DMD: variants seen among roughly 807,000 people sequenced by gnomAD.
DMD encodes dystrophin, also known as mutant dystrophin.
DMD carries 63 observed loss-of-function variants against 330.1 expected under a neutral mutation model. That is an observed-to-expected ratio of 0.19 (90% confidence interval 0.16 to 0.24). DMD has a LOEUF of 0.24. DMD is among the 10% of genes least tolerant of loss of function. DMD has a pLI of 1.00. For synonymous variants in DMD, 1,223 were observed against 959.8 expected (o/e 1.27, Z -5.07); for missense variants, 3,344 against 2,684.1 (o/e 1.25, Z -5.43).
intron 43 of DMD, among the ~76,000 whole-genome samples, chrX:32,258,626 A>G (rs1023596883): frequency 4.2e-4 from 46 of 109,495 alleles, no homozygotes; most frequent in African/African-American, 1.4e-3. Flanking sequence ...GAACACATAG[A>G]CACAGGGCGG....
chrX:31,430,812 T>C (rs1387386573), intron 60 of DMD, among the ~76,000 whole-genome samples: 1 of 91,084 alleles, frequency 1.1e-5, no homozygotes, highest in Non-Finnish European at 2.2e-5. Flanking sequence ...TTTTTTTTTT[T>C]TTTTTTTTTG....
chrX:31,641,501 C>CAAAAAAAA (rs1048854739), intron 54 of DMD, among the ~76,000 whole-genome samples: 1 of 33,612 alleles, frequency 3.0e-5, no homozygotes. Context: ...GACTCCGTCT[C>CAAAAAAAA]AAAAAAAAAA....
At chrX:32,429,267 T>C (rs760788711) in intron 29 of DMD, among the ~76,000 whole-genome samples, 70 of 96,910 alleles carry the variant, frequency 7.2e-4, no homozygotes, top group African/African-American at 2.5e-3. Flanking sequence ...TGGAGTGAAA[T>C]GGCATGATCT....
chrX:32,854,571 CAAAAAAA>C (rs1201969423), intron 2 of DMD, among the ~76,000 whole-genome samples: 2 of 61,626 alleles, frequency 3.2e-5, no homozygotes, highest in Non-Finnish European at 6.1e-5. Flanking sequence ...GCACTTGTAT[CAAAAAAA>C]AAAAAAAAAG....
chrX:31,693,178 T>A (rs2083233277), intron 52 of DMD, among the ~76,000 whole-genome samples: 1 of 112,153 alleles, frequency 8.9e-6, no homozygotes, highest in Non-Finnish European at 1.9e-5. Flanking sequence ...AAAAACCGTA[T>A]GATCATTTTA....
At chrX:31,661,121 T>A (rs745306298) in intron 53 of DMD, among the ~76,000 whole-genome samples, 1 of 112,114 alleles carries the variant, frequency 8.9e-6, no homozygotes, top group African/African-American at 3.2e-5. Context: ...AACTTTTTGA[T>A]GTACTTTAAT....
chrX:33,120,779 G>T (rs186709794), intron 1 of DMD, among the ~76,000 whole-genome samples: 6 of 106,612 alleles, frequency 5.6e-5, no homozygotes, highest in Non-Finnish European at 7.7e-5. Flanking sequence ...TACTCGGGAG[G>T]CTGAGGCAGG....
intron 1 of DMD, among the ~76,000 whole-genome samples, chrX:33,254,202 T>C (rs1473937062): frequency 2.0e-5 from 2 of 99,227 alleles, no homozygotes; most frequent in Non-Finnish European, 3.8e-5. Context: ...TTTGCTTTAT[T>C]TCACATCACA....
intron 2 of DMD, among the ~76,000 whole-genome samples, chrX:32,994,056 T>TG (rs1247874259): frequency 6.3e-4 from 68 of 107,440 alleles, no homozygotes; most frequent in African/African-American, 2.3e-3. Context: ...AAAGTTGGGG[T>TG]GGGGGGGAAT....
At position 32,983,045 on chromosome X, in the gene DMD, C is replaced by G. The variant is rs760463059; in HGVS notation, c.93+37094G>C. The stretch of plus-strand genomic sequence containing the variant: ...CTCACCTGTCTCTTCCTACATGCAG[C>G]AAACCATAAAGATTCCTCTGGGAGG... On this transcript the variant is annotated intron_variant, in intron 2 of 78. Coordinates refer to ENST00000357033, the MANE Select transcript of DMD (RefSeq NM_004006.3). Among the ~76,000 whole-genome samples the G allele has an allele frequency of 8.0e-5, 9 of 112,056 alleles. No homozygotes were observed. The East Asian group carries it at 2.5e-3, about 32-fold the overall frequency.
At chrX:32,278,887 G>T (rs2097401538) in intron 43 of DMD, among the ~76,000 whole-genome samples, 1 of 111,980 alleles carries the variant, frequency 8.9e-6, no homozygotes, top group Admixed American at 9.5e-5. Context: ...CCAACAGAAA[G>T]GGAGAAAATA....
At chrX:31,774,738 G>A (rs1286381061) in intron 50 of DMD, among the ~76,000 whole-genome samples, 1 of 111,684 alleles carries the variant, frequency 9.0e-6, no homozygotes, top group African/African-American at 3.3e-5. Context: ...TTTATACTGG[G>A]AGCAGTTTAT....
intron 2 of DMD, among the ~76,000 whole-genome samples, chrX:32,962,035 T>C (rs965349448): frequency 1.8e-5 from 2 of 111,875 alleles, no homozygotes; most frequent in Non-Finnish European, 3.8e-5. Flanking sequence ...TATTATACTT[T>C]TCTAGCTGGG....
chrX:32,079,173 C>T (rs2096373879), intron 44 of DMD, among the ~76,000 whole-genome samples: 1 of 112,050 alleles, frequency 8.9e-6, no homozygotes, highest in Non-Finnish European at 1.9e-5. Context: ...TCTTTTGTCA[C>T]TCTAACTTTG....
At chrX:31,453,000 G>C (rs571993708) in intron 59 of DMD, among the ~76,000 whole-genome samples, 46 of 111,937 alleles carry the variant, frequency 4.1e-4, no homozygotes, top group African/African-American at 1.2e-3. Context: ...TCAATAGCAA[G>C]AAAACAAATC....
At chrX:32,867,376 A>G (rs921774808) in intron 2 of DMD, among the ~76,000 whole-genome samples, 1 of 112,236 alleles carries the variant, frequency 8.9e-6, no homozygotes, top group Non-Finnish European at 1.9e-5. Context: ...TTCTAGAAAA[A>G]TGCATTTTAA....
chrX:31,749,100 T>C (rs750261814), intron 51 of DMD, among the ~76,000 whole-genome samples: 139 of 109,485 alleles, frequency 1.3e-3, no homozygotes, highest in African/African-American at 4.5e-3. Context: ...AGGATCAGGA[T>C]AGCATTTGTT....
intron 62 of DMD, among the ~76,000 whole-genome samples, chrX:31,316,996 C>T (rs772140613): frequency 9.8e-5 from 11 of 112,091 alleles, no homozygotes; most frequent in African/African-American, 3.2e-4. Flanking sequence ...CTTTCTATCC[C>T]GATAAGATTG....
intron 44 of DMD, among the ~76,000 whole-genome samples, chrX:32,135,022 T>C (rs1320610189): frequency 8.9e-6 from 1 of 112,044 alleles, no homozygotes; most frequent in East Asian, 2.8e-4. Flanking sequence ...AATGGGAATA[T>C]ACTCTACCAA....
Sources: gnomAD v4.1 joint callset for allele counts (sites outside exome capture counted in the v4.1 genomes callset) on GRCh38, gnomAD v4.1.1 for gene constraint, MANE v1.5 for transcripts, NCBI Gene and HGNC (gene_info 2026-07-23, HGNC 2026-07-21) for gene names.